The following VPS13B variants were observed in gnomAD, a reference collection of about 807,000 sequenced individuals.
The protein encoded by VPS13B is intermembrane lipid transfer protein VPS13B.
In VPS13B, 285 loss-of-function variants were observed where a neutral mutation model predicts 426.4. The ratio of observed to expected loss-of-function variants is 0.67; its 90% CI spans 0.61 to 0.74. The LOEUF (loss-of-function observed/expected upper bound fraction) is 0.74, where lower values mean the gene tolerates loss of function less well. Ranked by LOEUF, VPS13B falls within the 30% of genes least tolerant of loss-of-function variation. The pLI, the probability that VPS13B is intolerant of heterozygous loss-of-function variation, is 0.00. For missense variants in VPS13B, 4,537 were observed against 4,782.6 expected (o/e 0.95, Z 1.51); for synonymous variants, 1,676 against 1,676.4 (o/e 1.00, Z 0.01).
intron 29 of VPS13B, among the ~76,000 whole-genome samples, chr8:99,513,012 T>TG (rs1238439619): frequency 7.1e-6 from 1 of 139,940 alleles, no homozygotes; most frequent in Non-Finnish European, 1.5e-5. Flanking sequence ...CCATCTCAAG[T>TG]GGGAAAAAAA....
intron 19 of VPS13B, among the ~76,000 whole-genome samples, chr8:99,299,207 C>T (rs963556886): frequency 3.3e-5 from 5 of 151,310 alleles, no homozygotes; most frequent in African/African-American, 1.2e-4. Flanking sequence ...GATTACAGGC[C>T]CCCACCACTA....
chr8:99,195,005 C>T (rs1384988270), intron 17 of VPS13B, among the ~76,000 whole-genome samples: 1 of 151,956 alleles, frequency 6.6e-6, no homozygotes, highest in Non-Finnish European at 1.5e-5. Flanking sequence ...ACCACCACAC[C>T]CAGCTAATTT....
chr8:99,334,911 T>G lies in VPS13B; in HGVS notation c.2825-49297T>G, dbSNP rs565520469. Among the ~76,000 whole-genome samples the G allele has an allele frequency of 3.8e-4, 58 of 152,258 alleles. 3 individuals are homozygous for G. The highest frequency in any genetic ancestry group is 5.9e-5 in the Non-Finnish European group (4 of 68,002). ...GAGGATTCCCTCTTTTTCTGTTGAT[T>G]GGAATAGTTTCAGAAGGAATGGTAC... On this transcript the variant is annotated intron_variant, in intron 19 of 61. Coordinates refer to ENST00000357162, the MANE Select transcript of VPS13B (RefSeq NM_152564.5).
chr8:99,670,706 G>C (rs116179351), intron 35 of VPS13B, among the ~76,000 whole-genome samples: 2 of 151,910 alleles, frequency 1.3e-5, no homozygotes, highest in Non-Finnish European at 2.9e-5. Flanking sequence ...ACATTTTTAC[G>C]TTCCATATAT....
At chr8:99,329,359 ATAT>A (rs1282467932) in intron 19 of VPS13B, among the ~76,000 whole-genome samples, 3 of 152,094 alleles carry the variant, frequency 2.0e-5, no homozygotes, top group Non-Finnish European at 4.4e-5. Flanking sequence ...GTAAAATGAA[ATAT>A]TATTAATTTT....
intron 21 of VPS13B, among the ~76,000 whole-genome samples, chr8:99,425,772 G>T (rs1476358221): frequency 2.6e-5 from 4 of 152,164 alleles, no homozygotes; most frequent in Non-Finnish European, 5.9e-5. Flanking sequence ...GTCCCTGTTT[G>T]CAGATGACAT....
chr8:99,772,779 G>T (rs1811573347), intron 40 of VPS13B, among the ~76,000 whole-genome samples: 1 of 152,158 alleles, frequency 6.6e-6, no homozygotes, highest in Non-Finnish European at 1.5e-5. Flanking sequence ...CCATTGTAAG[G>T]AGTGGAAGAA....
At chr8:99,401,069 G>T (rs1815011289) in intron 21 of VPS13B, among the ~76,000 whole-genome samples, 1 of 152,008 alleles carries the variant, frequency 6.6e-6, no homozygotes, top group Admixed American at 6.6e-5. Context: ...TGGTTTTAAT[G>T]GCTGACATAA....
chr8:99,478,793 G>T (rs2133549276), intron 24 of VPS13B, among the ~76,000 whole-genome samples: 1 of 149,408 alleles, frequency 6.7e-6, no homozygotes, highest in Middle Eastern at 3.4e-3. Context: ...AATTAAACTG[G>T]ACAAGTGTAA....
At chr8:99,053,021 C>T (rs1843644682) in intron 3 of VPS13B, among the ~76,000 whole-genome samples, 1 of 151,884 alleles carries the variant, frequency 6.6e-6, no homozygotes, top group Non-Finnish European at 1.5e-5. Flanking sequence ...TTTTTTGTGT[C>T]TCTTATTTCC....
At chr8:99,415,217 A>T (rs958925233) in intron 21 of VPS13B, among the ~76,000 whole-genome samples, 1 of 151,684 alleles carries the variant, frequency 6.6e-6, no homozygotes, top group Admixed American at 6.6e-5. Context: ...ACACTTGTGT[A>T]TGCTTCTCAA....
Position 99,084,510 on chromosome 8 carries a change from T to C in VPS13B, c.292-11802T>C, listed in dbSNP as rs549327194. ...CCTTCTGCTAGCTTTTGAATGTGTTTGCTCTTGCTTCTCTAGTTCTTTTAA... is the reference window on the plus strand; with the variant it reads ...CCTTCTGCTAGCTTTTGAATGTGTTCGCTCTTGCTTCTCTAGTTCTTTTAA... On this transcript the variant is annotated intron_variant, in intron 3 of 61. Transcript: ENST00000357162. Among the ~76,000 whole-genome samples, 5 of 152,316 alleles carry C rather than the reference T, an allele frequency of 3.3e-5. 1 individual carries two copies. The highest frequency in any genetic ancestry group is 3.3e-4 in the Admixed American group (5 of 15,294).
chr8:99,306,063 C>A (rs747243575), intron 19 of VPS13B, among the ~76,000 whole-genome samples: 5 of 152,002 alleles, frequency 3.3e-5, no homozygotes, highest in Non-Finnish European at 5.9e-5. Context: ...TTATGTTTGG[C>A]GCATTGGTTG....
intron 19 of VPS13B, among the ~76,000 whole-genome samples, chr8:99,357,406 G>T (rs1812237457): frequency 6.6e-6 from 1 of 151,520 alleles, no homozygotes; most frequent in African/African-American, 2.4e-5. Context: ...ATTTTATTTT[G>T]TGGTTTCTGT....
At chr8:99,142,918 A>G in intron 12 of VPS13B, 56 bp from the exon 13 acceptor site, 2 of 1,533,700 alleles carry the variant, frequency 1.3e-6, no homozygotes, top group South Asian at 2.4e-5. Flanking sequence ...CGATTTTAAA[A>G]TATTTACTTG....
At chr8:99,583,858 T>C (rs1413707878) in intron 33 of VPS13B, among the ~76,000 whole-genome samples, 25 of 152,172 alleles carry the variant, frequency 1.6e-4, no homozygotes, top group Admixed American at 1.6e-3. Flanking sequence ...GTCGATTTTC[T>C]GGTCGGTCTT....
At chr8:99,523,341 T>C (rs988494330) in intron 30 of VPS13B, among the ~76,000 whole-genome samples, 6 of 152,200 alleles carry the variant, frequency 3.9e-5, no homozygotes, top group African/African-American at 1.4e-4. Flanking sequence ...TATCTGCTGA[T>C]TGCTGAGCCC....
intron 16 of VPS13B, among the ~76,000 whole-genome samples, chr8:99,176,860 G>T (rs539489927): frequency 6.6e-6 from 1 of 152,168 alleles, no homozygotes; most frequent in Non-Finnish European, 1.5e-5. Flanking sequence ...TGAAGGTGAA[G>T]AATTTAATGC....
At chr8:99,591,375 T>C (rs2133839243) in intron 33 of VPS13B, among the ~76,000 whole-genome samples, 1 of 152,200 alleles carries the variant, frequency 6.6e-6, no homozygotes, top group Admixed American at 6.5e-5. Context: ...TTGTTATGTG[T>C]GAATTTGATC....
Sources: gnomAD v4.1 joint callset for allele counts (sites outside exome capture counted in the v4.1 genomes callset) on GRCh38, gnomAD v4.1.1 for gene constraint, MANE v1.5 for transcripts, NCBI Gene and HGNC (gene_info 2026-07-23, HGNC 2026-07-21) for gene names.